Variants in EHMT1 observed in about 807,000 individuals in gnomAD.
EHMT1 encodes histone-lysine N-methyltransferase EHMT1.
EHMT1 carries 15 observed loss-of-function variants against 147.2 expected under a neutral mutation model. The observed-to-expected ratio is 0.10, with a 90% CI of 0.07 to 0.16. The LOEUF (loss-of-function observed/expected upper bound fraction) is 0.16, where lower values mean the gene tolerates loss of function less well. Among genes scored for constraint, EHMT1 ranks in the 10% least tolerant of loss-of-function variants. The probability of loss-of-function intolerance (pLI) is 1.00; values close to 1 mark genes in which losing one functional copy is unlikely to be tolerated. For synonymous variants in EHMT1, 795 were observed against 709.6 expected (o/e 1.12, Z -1.91); for missense variants, 1,587 against 1,772.4 (o/e 0.90, Z 1.88).
intron 9 of EHMT1, among the ~76,000 whole-genome samples, chr9:137,760,013 G>A (rs145146399): frequency 1.7e-3 from 253 of 152,290 alleles, no homozygotes; most frequent in Middle Eastern, 0.01. Flanking sequence ...CTCTTTCCCC[G>A]TTGCCTTGCT....
At position 137,656,095 on chromosome 9, in the gene EHMT1, T is replaced by A. The variant is rs557678646; in HGVS notation, c.21+37046T>A. ...CTCATAACCATATAAAATGTGTACATATGGCTGGGCGCAGTGGCTCACACC... is the reference window on the plus strand; with the variant it reads ...CTCATAACCATATAAAATGTGTACAAATGGCTGGGCGCAGTGGCTCACACC... On this transcript the variant is annotated intron_variant, in intron 1 of 26. Transcript: ENST00000460843. Among the ~76,000 whole-genome samples, 18 of 152,224 alleles carry A rather than the reference T, an allele frequency of 1.2e-4. No individual in the cohort carries two copies. The East Asian group carries it at 3.3e-3, about 28-fold the overall frequency.
intron 2 of EHMT1, among the ~76,000 whole-genome samples, chr9:137,714,655 C>T (rs865967465): frequency 2.0e-5 from 3 of 150,286 alleles, no homozygotes; most frequent in African/African-American, 2.5e-5. Context: ...TGGGCTCAAG[C>T]GACCCTCCTG....
At chr9:137,781,034 TGTG>T (rs1413689129) in intron 14 of EHMT1, among the ~76,000 whole-genome samples, 1 of 143,800 alleles carries the variant, frequency 7.0e-6, no homozygotes, top group African/African-American at 2.7e-5. Context: ...CGCCGAGACG[TGTG>T]GTGATGACGC....
intron 25 of EHMT1, among the ~76,000 whole-genome samples, chr9:137,823,184 C>T (rs28810496): frequency 0.14 from 21,380 of 148,582 alleles, 5,029 homozygotes; most frequent in African/African-American, 0.5. Context: ...CTGCAAGCTC[C>T]GTCTCCTGGG....
At chr9:137,757,531 T>G (rs1252083022) in intron 8 of EHMT1, among the ~76,000 whole-genome samples, 5 of 152,266 alleles carry the variant, frequency 3.3e-5, no homozygotes, top group Admixed American at 2.6e-4. Flanking sequence ...AACATATGAC[T>G]ACCATGTTTT....
intron 16 of EHMT1, among the ~76,000 whole-genome samples, chr9:137,793,871 C>CCCTGGG (rs1323581980): frequency 2.0e-5 from 3 of 152,038 alleles, no homozygotes; most frequent in African/African-American, 4.8e-5. Flanking sequence ...ACTGGAGATT[C>CCCTGGG]CCTGGGGCTG....
chr9:137,654,389 C>A lies in EHMT1; in HGVS notation c.21+35340C>A, dbSNP rs1248676786. Among the ~76,000 whole-genome samples, 3 of 138,664 alleles carry A rather than the reference C, an allele frequency of 2.2e-5. No homozygotes were observed. In the South Asian group the frequency reaches 7.9e-4, roughly 36 times the overall value. The allele number at this position is 138,664 out of a possible 152,430, so 91.0% of individuals were successfully genotyped here. A position where few individuals can be genotyped will look rare whatever the true frequency, so the allele number is the denominator to read the frequency against. ...CCCCCACCCCTTACCACCTCCCCCCCACCAAAAAAAAAAGAGAAAAATTAA... is the reference window on the plus strand; with the variant it reads ...CCCCCACCCCTTACCACCTCCCCCCAACCAAAAAAAAAAGAGAAAAATTAA... On this transcript the variant is annotated intron_variant, in intron 1 of 26. Coordinates refer to ENST00000460843, the MANE Select transcript of EHMT1 (RefSeq NM_024757.5).
intron 25 of EHMT1, among the ~76,000 whole-genome samples, chr9:137,827,793 A>C (rs922972131): frequency 2.0e-5 from 3 of 151,478 alleles, no homozygotes; most frequent in African/African-American, 7.3e-5. Context: ...CTTTGTTCAA[A>C]TCTCCCATCA....
rs1588326023 is a variant in EHMT1, at chr9:137,716,757, A to C, written c.217A>C (p.Thr73Pro). 6.2e-7 allele frequency: 1 copy of C among 1,612,966 alleles called. No individual in the cohort carries two copies. The highest frequency in any genetic ancestry group is 8.5e-7 in the Non-Finnish European group (1 of 1,179,740). Reference protein sequence around the residue: ...ASSHANAAKHTQDSARVNPQD... With the variant: ...ASSHANAAKHPQDSARVNPQD... Reference sequence around the variant, plus strand: ...CAGTCATGCAAATGCTGCAAAGCACACTCAGGACAGCGCAAGGGTCAACCC... The same window carrying C: ...CAGTCATGCAAATGCTGCAAAGCACCCTCAGGACAGCGCAAGGGTCAACCC... The change falls in exon 3 of 27, where the codon ACT (threonine) becomes CCT (proline). Residue 73 changes from threonine (T) to proline (P), a missense_variant. Transcript: ENST00000460843.
chr9:137,629,401 G>T (rs116246400), intron 1 of EHMT1, among the ~76,000 whole-genome samples: 2,075 of 143,042 alleles, frequency 0.015, 37 homozygotes, highest in African/African-American at 0.049. Context: ...CAGTTTTTTT[G>T]TTGTTGTTGT....
chr9:137,687,669 G>A (rs1252549764), intron 1 of EHMT1, among the ~76,000 whole-genome samples: 1 of 152,198 alleles, frequency 6.6e-6, no homozygotes, highest in African/African-American at 2.4e-5. Flanking sequence ...ACTCCTACCC[G>A]TCACGCGAGG....
chr9:137,706,284 C>T (rs532042375), intron 1 of EHMT1, among the ~76,000 whole-genome samples: 13 of 152,292 alleles, frequency 8.5e-5, no homozygotes, highest in South Asian at 4.1e-4. Flanking sequence ...TTCTGCAGTG[C>T]GGGGTCTGAG....
intron 1 of EHMT1, among the ~76,000 whole-genome samples, chr9:137,622,154 T>C (rs1842977235): frequency 7.0e-6 from 1 of 143,484 alleles, no homozygotes; most frequent in Non-Finnish European, 1.5e-5. Context: ...AGTCTTGATC[T>C]ATTGCCCAGG....
intron 3 of EHMT1, among the ~76,000 whole-genome samples, chr9:137,724,590 T>C (rs12339028): frequency 0.16 from 24,910 of 152,256 alleles, 6,640 homozygotes; most frequent in African/African-American, 0.56. Flanking sequence ...ATGGCTATTT[T>C]CTCTTCAGGT....
chr9:137,694,959 G>T (rs1943277195), intron 1 of EHMT1, among the ~76,000 whole-genome samples: 1 of 152,226 alleles, frequency 6.6e-6, no homozygotes, highest in African/African-American at 2.4e-5. Flanking sequence ...TTTCCAGCTT[G>T]ACTGCCCTTA....
intron 23 of EHMT1, chr9:137,816,438 T>C (rs1480024510): frequency 2.3e-5 from 8 of 349,060 alleles, no homozygotes; most frequent in Non-Finnish European, 4.5e-5. Flanking sequence ...AAATATTCTC[T>C]GTTCTCTGGG....
chr9:137,767,501 A>G (rs980932696), intron 10 of EHMT1, among the ~76,000 whole-genome samples: 18 of 152,318 alleles, frequency 1.2e-4, no homozygotes, highest in African/African-American at 4.1e-4. Context: ...TATACTTACC[A>G]GTTGTGCATC....
chr9:137,741,135 G>C (rs1347493805), intron 4 of EHMT1, among the ~76,000 whole-genome samples: 1 of 152,018 alleles, frequency 6.6e-6, no homozygotes, highest in South Asian at 2.1e-4. Flanking sequence ...CGCCACCTTG[G>C]CCGGCTAATT....
rs1030155140 is a variant in EHMT1, at chr9:137,828,048, C to T, written c.3541-6301C>T. ...ACAGGGTGCGACGGGGTGGTCGGCCCGGCTGCCATCGTGGGAGGGACGTGG... is the reference window on the plus strand; with the variant it reads ...ACAGGGTGCGACGGGGTGGTCGGCCTGGCTGCCATCGTGGGAGGGACGTGG... On this transcript the variant is annotated intron_variant, in intron 25 of 26. Transcript: ENST00000460843. The surrounding 1 kb of genome is among the most constrained non-coding windows in gnomAD (Gnocchi z 5.3). Among the ~76,000 whole-genome samples the T allele has an allele frequency of 1.2e-4, 19 of 152,246 alleles. No individual in the cohort carries two copies. Among genetic ancestry groups the T allele is most frequent in the African/African-American group, 2.9e-4 (12 of 41,548 alleles).
Sources: gnomAD v4.1 joint callset for allele counts (sites outside exome capture counted in the v4.1 genomes callset) on GRCh38, gnomAD v4.1.1 for gene constraint, Gnocchi (gnomAD v3.1) non-coding constraint, MANE v1.5 for transcripts, NCBI Gene and HGNC (gene_info 2026-07-23, HGNC 2026-07-21) for gene names.